XRCC4: variants seen among roughly 807,000 people sequenced by gnomAD.
The protein encoded by XRCC4 is X-ray repair cross complementing 4, also known as DNA repair protein XRCC4.
XRCC4 carries 28 observed loss-of-function variants against 39.1 expected under a neutral mutation model. The ratio of observed to expected loss-of-function variants is 0.72; its 90% CI spans 0.53 to 0.98. XRCC4 has a LOEUF of 0.98. XRCC4 is among the 50% of genes least tolerant of loss of function. The pLI, the probability that XRCC4 is intolerant of heterozygous loss-of-function variation, is 0.00. For missense variants in XRCC4, 350 were observed against 376.4 expected, an observed-to-expected ratio of 0.93 and a Z score of 0.58; for synonymous variants, 123 against 126.4, an observed-to-expected ratio of 0.97 and a Z score of 0.18.
chr5:83,336,222 A>G (rs1380672270), intron 7 of XRCC4, among the ~76,000 whole-genome samples: 3 of 152,164 alleles, frequency 2.0e-5, no homozygotes, highest in East Asian at 1.9e-4. Context: ...GAAGTTATGT[A>G]TATTTTAAGG....
intron 6 of XRCC4, among the ~76,000 whole-genome samples, chr5:83,237,657 T>C (rs987694289): frequency 4.6e-5 from 7 of 152,204 alleles, no homozygotes; most frequent in Admixed American, 6.5e-5. Context: ...TAAAATCTAA[T>C]GTTCAGTAGT....
At chr5:83,228,048 G>A (rs1404858515) in intron 6 of XRCC4, among the ~76,000 whole-genome samples, 1 of 151,958 alleles carries the variant, frequency 6.6e-6, no homozygotes, top group African/African-American at 2.4e-5. Context: ...AAAACCAAGG[G>A]TAATTCCCTG....
chr5:83,229,370 C>T (rs1014478115), intron 6 of XRCC4, among the ~76,000 whole-genome samples: 2 of 151,690 alleles, frequency 1.3e-5, no homozygotes, highest in African/African-American at 2.4e-5. Context: ...TTTAATATAT[C>T]GCCTTGGCAA....
At chr5:83,119,257 A>G (rs1288899972) in intron 3 of XRCC4, among the ~76,000 whole-genome samples, 1 of 152,226 alleles carries the variant, frequency 6.6e-6, no homozygotes. Context: ...TTTGTCAAAA[A>G]TAGTAATGAC....
chr5:83,282,824 A>T (rs1045309800), intron 7 of XRCC4, among the ~76,000 whole-genome samples: 3 of 152,158 alleles, frequency 2.0e-5, no homozygotes, highest in Non-Finnish European at 4.4e-5. Flanking sequence ...CCTGGGCGAC[A>T]GAGCAAGACT....
intron 7 of XRCC4, among the ~76,000 whole-genome samples, chr5:83,306,421 T>C (rs555958583): frequency 1.3e-5 from 2 of 152,312 alleles, no homozygotes; most frequent in East Asian, 1.9e-4. Flanking sequence ...TTGAATTTCA[T>C]GTGAGATTTT....
At chr5:83,208,556 T>A (rs906815292) in intron 6 of XRCC4, among the ~76,000 whole-genome samples, 1 of 152,052 alleles carries the variant, frequency 6.6e-6, no homozygotes, top group South Asian at 2.1e-4. Context: ...TATGGCTTTT[T>A]TTCCTCTAAA....
At chr5:83,176,165 C>A (rs970791867) in intron 3 of XRCC4, among the ~76,000 whole-genome samples, 2 of 152,004 alleles carry the variant, frequency 1.3e-5, no homozygotes, top group Admixed American at 1.3e-4. Flanking sequence ...AACCTTTGGC[C>A]AATGTTTGTT....
intron 6 of XRCC4, among the ~76,000 whole-genome samples, chr5:83,254,914 G>A (rs974887133): frequency 3.3e-5 from 5 of 151,648 alleles, no homozygotes; most frequent in Admixed American, 1.3e-4. Flanking sequence ...TGGTGAAACC[G>A]TGTCTCTACT....
the XRCC4 span, among the ~76,000 whole-genome samples, chr5:83,368,316 A>G: frequency 1.3e-5 from 2 of 152,164 alleles, no homozygotes; most frequent in African/African-American, 4.8e-5. Context: ...GGACTAAAGG[A>G]GATGACATGA....
chr5:83,188,426 T>C (rs1750550283), intron 3 of XRCC4, among the ~76,000 whole-genome samples: 1 of 152,216 alleles, frequency 6.6e-6, no homozygotes, highest in Non-Finnish European at 1.5e-5. Context: ...ATGAAATTAA[T>C]ATTCAAATCA....
In XRCC4 at chr5:83,243,537, G is replaced by C. The variant is rs570659717; in HGVS notation, c.746-14993G>C. Among the ~76,000 whole-genome samples the C allele has an allele frequency of 5.9e-5, 9 of 152,264 alleles. No homozygotes were observed. In the East Asian group the frequency reaches 1.7e-3, roughly 29 times the overall value. On this transcript the variant is annotated intron_variant, in intron 6 of 7. Coordinates refer to ENST00000396027, the MANE Select transcript of XRCC4 (RefSeq NM_003401.5). ...GCTTAACATTATCTACCTATTTTAA[G>C]GACTTTTTTCCAAAGACAGTCATAT...
intron 7 of XRCC4, among the ~76,000 whole-genome samples, chr5:83,269,905 C>T (rs1754079180): frequency 6.6e-6 from 1 of 152,102 alleles, no homozygotes; most frequent in African/African-American, 2.4e-5. Context: ...AAGCACATTA[C>T]ATTTATTGTG....
chr5:83,133,980 C>T (rs981193507), intron 3 of XRCC4, among the ~76,000 whole-genome samples: 11 of 152,150 alleles, frequency 7.2e-5, no homozygotes, highest in Middle Eastern at 3.2e-3. Flanking sequence ...TGGGGCTGTG[C>T]GTGGTGCTCG....
rs1753633052 is a variant in XRCC4 at position 83,258,522 on chromosome 5, TA to T, written c.746-7del. 6.2e-7 allele frequency: 1 copy of T among 1,605,188 alleles called. No homozygotes were observed. The stretch of plus-strand genomic sequence containing the variant: ...GTTGGGTCACATTCTCATCTCATTT[TA>T]TTTCAGCTGCTGTAAGTAAAGATGA... On this transcript the variant is annotated splice_polypyrimidine_tract_variant and splice_region_variant and intron_variant, in intron 6 of 7. Coordinates refer to ENST00000396027, the MANE Select transcript of XRCC4 (RefSeq NM_003401.5).
rs1164791149 is a variant in XRCC4 at position 83,280,086 on chromosome 5, A to T, written c.893+21409A>T. On this transcript the variant is annotated intron_variant, in intron 7 of 7. Coordinates refer to ENST00000396027, the MANE Select transcript of XRCC4 (RefSeq NM_003401.5). ...GATTGCAATTCAAAAGAAATTGAAA[A>T]ATCAGAGGTACACATTTTTCAGTAG... 2.5e-5 allele frequency: 5 copies of T among 202,134 alleles called. No individual in the cohort carries two copies. The South Asian group carries it at 3.2e-4, about 13-fold the overall frequency. 12.5% of individuals were successfully genotyped at this position (202,134 alleles called of 1,614,324 possible). A position where few individuals can be genotyped will look rare whatever the true frequency, so the allele number is the denominator to read the frequency against.
At chr5:83,156,483 C>T (rs1748971816) in intron 3 of XRCC4, among the ~76,000 whole-genome samples, 1 of 151,950 alleles carries the variant, frequency 6.6e-6, no homozygotes, top group South Asian at 2.1e-4. Flanking sequence ...GAAAAAAGGA[C>T]ATTTTATTGT....
chr5:83,197,809 A>T (rs1223246855), intron 4 of XRCC4, among the ~76,000 whole-genome samples: 1 of 152,166 alleles, frequency 6.6e-6, no homozygotes, highest in Non-Finnish European at 1.5e-5. Flanking sequence ...GATGTGTGCC[A>T]GTGGGTGGCC....
At chr5:83,270,109 C>A (rs1239224017) in intron 7 of XRCC4, among the ~76,000 whole-genome samples, 2 of 152,114 alleles carry the variant, frequency 1.3e-5, no homozygotes, top group Non-Finnish European at 2.9e-5. Context: ...AGATGCCTCG[C>A]ATGCACAGTT....
Sources: allele counts gnomAD v4.1 joint callset (sites outside exome capture counted in the v4.1 genomes callset), GRCh38; gene constraint gnomAD v4.1.1; transcripts MANE v1.5; gene names NCBI Gene and HGNC (gene_info 2026-07-23, HGNC 2026-07-21).